Variants in SPATA16 observed in about 807,000 individuals in gnomAD.
SPATA16 encodes the protein spermatogenesis-associated protein 16.
A neutral mutation model predicts 63.3 loss-of-function variants in SPATA16; 36 were observed. The observed-to-expected ratio is 0.57, with a 90% CI of 0.44 to 0.75. The LOEUF (loss-of-function observed/expected upper bound fraction) is 0.75. SPATA16 is among the 30% of genes least tolerant of loss of function. The pLI, the probability that SPATA16 is intolerant of heterozygous loss-of-function variation, is 0.00. For synonymous variants in SPATA16, 203 were observed against 216.7 expected, an observed-to-expected ratio of 0.94 and a Z score of 0.56; for missense variants, 646 against 679.3, an observed-to-expected ratio of 0.95 and a Z score of 0.54.
At chr3:172,943,633 G>C (rs1156299191) in intron 6 of SPATA16, among the ~76,000 whole-genome samples, 1 of 152,090 alleles carries the variant, frequency 6.6e-6, no homozygotes, top group Non-Finnish European at 1.5e-5. Context: ...CCAGCTACTC[G>C]AGAGGCTGAG....
At chr3:173,057,682 C>A (rs2108298718) in intron 2 of SPATA16, among the ~76,000 whole-genome samples, 1 of 152,324 alleles carries the variant, frequency 6.6e-6, no homozygotes. Flanking sequence ...TGCGTTTAAT[C>A]ACGCACCAGA....
rs536275704 is a variant in SPATA16 at position 172,949,620 on chromosome 3, G to C, written c.1081+7057C>G. 3.3e-5 allele frequency among the ~76,000 whole-genome samples: 5 copies of C among 152,134 alleles called. No homozygotes were observed. In the South Asian group the frequency reaches 1.0e-3, roughly 31 times the overall value. On this transcript the variant is annotated intron_variant, in intron 6 of 10. Transcript: ENST00000351008. Reference sequence around the variant, plus strand: ...CTACATTATAAAACATAAGTAAAGTGATTCAGGAAAAATAAAGTGTTAACG... The same window carrying C: ...CTACATTATAAAACATAAGTAAAGTCATTCAGGAAAAATAAAGTGTTAACG...
Position 172,916,231 on chromosome 3 carries a change from A to AC in SPATA16, c.1503+85_1503+86insG, listed in dbSNP as rs1213611148. On this transcript the variant is annotated intron_variant, in intron 9 of 10. Transcript: ENST00000351008. ...CTCAGGCTACATTTATTACCACAGG[A>AC]TTTTTTTTTTTTTTTTTCCCCAGAC... 1,293 of 1,101,404 alleles carry AC rather than the reference A, an allele frequency of 1.2e-3. 12 individuals carry two copies. Among genetic ancestry groups the AC allele is most frequent in the Non-Finnish European group, 1.5e-3 (1,171 of 779,836 alleles). 68.2% of individuals were successfully genotyped at this position (1,101,404 alleles called of 1,614,324 possible).
At chr3:172,896,992 C>T (rs193215760) in intron 10 of SPATA16, among the ~76,000 whole-genome samples, 10 of 151,816 alleles carry the variant, frequency 6.6e-5, no homozygotes, top group South Asian at 2.1e-4. Context: ...GTGCTTTTGG[C>T]GTCAAGTCTG....
chr3:172,922,199 A>G (rs1222592708), intron 8 of SPATA16, among the ~76,000 whole-genome samples: 1 of 151,710 alleles, frequency 6.6e-6, no homozygotes, highest in African/African-American at 2.4e-5. Flanking sequence ...ATTTAGATAT[A>G]TTTGTGATCC....
intron 2 of SPATA16, among the ~76,000 whole-genome samples, chr3:173,083,845 TTC>T (rs1277116864): frequency 1.3e-5 from 2 of 152,226 alleles, no homozygotes; most frequent in African/African-American, 2.4e-5. Context: ...CTGCATAGTA[TTC>T]CATCATATAT....
intron 1 of SPATA16, among the ~76,000 whole-genome samples, chr3:173,125,534 G>T (rs1427399915): frequency 6.6e-6 from 1 of 152,164 alleles, no homozygotes; most frequent in Non-Finnish European, 1.5e-5. Context: ...CATTCCTTCT[G>T]TTCTGCTAAT....
intron 10 of SPATA16, 26 bp downstream of exon 10, chr3:172,913,635 C>G (rs1458556321): frequency 6.2e-7 from 1 of 1,604,778 alleles, no homozygotes; most frequent in Non-Finnish European, 8.5e-7. Flanking sequence ...AATAATAGAT[C>G]TTTTTCCTTC....
Position 172,924,240 on chromosome 3 carries a change from T to C in SPATA16, c.1306A>G (p.Ile436Val). ...TGGGTGCTTCTAATAAAATCCAATA[T>C]TGGCAAGATTCGCTTCCCCATTGTC... ...METMGKRILP[I>V]LDFIRSTQLN... Residue 436 changes from isoleucine (I) to valine (V), a missense_variant, in exon 8 of 11, where the codon ATA becomes GTA. By Grantham distance (29) the Ile-to-Val change is conservative. Transcript: ENST00000351008. The C allele has an allele frequency of 1.2e-6, 2 of 1,613,434 alleles. No individual in the cohort carries two copies. The highest frequency in any genetic ancestry group is 1.7e-6 in the Non-Finnish European group (2 of 1,179,626).
At chr3:172,965,856 G>T (rs537423591) in intron 5 of SPATA16, among the ~76,000 whole-genome samples, 1 of 152,118 alleles carries the variant, frequency 6.6e-6, no homozygotes, top group Non-Finnish European at 1.5e-5. Flanking sequence ...GATTACAGGC[G>T]TGAGCCACTG....
intron 4 of SPATA16, among the ~76,000 whole-genome samples, chr3:172,979,341 A>AGTT (rs1734245206): frequency 2.0e-5 from 3 of 152,250 alleles, no homozygotes; most frequent in Admixed American, 2.0e-4. Context: ...GGACAACATA[A>AGTT]CATGCACTAA....
At chr3:172,984,727 G>A (rs1328413346) in intron 4 of SPATA16, among the ~76,000 whole-genome samples, 2 of 152,128 alleles carry the variant, frequency 1.3e-5, no homozygotes, top group South Asian at 2.1e-4. Context: ...AGACTATCAA[G>A]TAATTGATGG....
intron 10 of SPATA16, among the ~76,000 whole-genome samples, chr3:172,891,618 C>T (rs1731897192): frequency 6.6e-6 from 1 of 152,172 alleles, no homozygotes; most frequent in Non-Finnish European, 1.5e-5. Flanking sequence ...ATGGTCTATA[C>T]ACCTCTACAC....
intron 5 of SPATA16, among the ~76,000 whole-genome samples, chr3:172,957,766 A>C (rs1733635752): frequency 1.3e-5 from 2 of 152,208 alleles, no homozygotes; most frequent in Non-Finnish European, 2.9e-5. Context: ...CCATTTAACA[A>C]ACAACAATTT....
intron 2 of SPATA16, among the ~76,000 whole-genome samples, chr3:173,086,298 C>G (rs1031097807): frequency 3.3e-5 from 5 of 152,054 alleles, no homozygotes; most frequent in Non-Finnish European, 5.9e-5. Context: ...ATTTCTTCTT[C>G]TAGACTTTCC....
At chr3:172,936,734 G>C (rs892859322) in intron 6 of SPATA16, among the ~76,000 whole-genome samples, 1 of 151,920 alleles carries the variant, frequency 6.6e-6, no homozygotes, top group Non-Finnish European at 1.5e-5. Flanking sequence ...TTGAGACAGA[G>C]CCTTGCTCTG....
intron 6 of SPATA16, among the ~76,000 whole-genome samples, chr3:172,935,992 T>C (rs1732983232): frequency 6.6e-6 from 1 of 152,196 alleles, no homozygotes; most frequent in African/African-American, 2.4e-5. Context: ...CACTGAATAA[T>C]GGCTTACATC....
intron 10 of SPATA16, among the ~76,000 whole-genome samples, chr3:172,894,766 T>C (rs1406400216): frequency 1.3e-5 from 2 of 152,294 alleles, no homozygotes; most frequent in African/African-American, 2.4e-5. Flanking sequence ...AGTGCCCTTA[T>C]GAAAAGAGGC....
chr3:173,035,086 A>G lies in SPATA16; in HGVS notation c.758+13863T>C, dbSNP rs980071185. On this transcript the variant is annotated intron_variant, in intron 3 of 10. Transcript: ENST00000351008. ...TAGTAGTGCTGCCATTTCTGTGAAT[A>G]TAATGACAACAGCATATATTGTGTT... Among the ~76,000 whole-genome samples, 11 of 152,250 alleles carry G rather than the reference A, an allele frequency of 7.2e-5. No individual in the cohort carries two copies. The South Asian group carries it at 2.1e-3, about 29-fold the overall frequency.
Sources: gnomAD v4.1 joint callset for allele counts (sites outside exome capture counted in the v4.1 genomes callset) on GRCh38, gnomAD v4.1.1 for gene constraint, MANE v1.5 for transcripts, NCBI Gene and HGNC (gene_info 2026-07-23, HGNC 2026-07-21) for gene names.